The following ADAMTS20 variants were observed in gnomAD, a reference collection of about 807,000 sequenced individuals.
The protein encoded by ADAMTS20 is A disintegrin and metalloproteinase with thrombospondin motifs 20.
A neutral mutation model predicts 260.1 loss-of-function variants in ADAMTS20; 225 were observed. That is an observed-to-expected ratio of 0.87 (90% CI 0.78 to 0.97). The LOEUF (loss-of-function observed/expected upper bound fraction) is 0.97, where lower values mean the gene tolerates loss of function less well. Among genes scored for constraint, ADAMTS20 ranks in the 50% least tolerant of loss-of-function variants. ADAMTS20 has a pLI of 0.00. For missense variants in ADAMTS20, 2,400 were observed against 2,337.7 expected, an observed-to-expected ratio of 1.03 and a Z score of -0.55; for synonymous variants, 802 against 769.5, an observed-to-expected ratio of 1.04 and a Z score of -0.70.
chr12:43,542,778 A>G (rs1170901323), intron 2 of ADAMTS20, among the ~76,000 whole-genome samples: 2 of 152,260 alleles, frequency 1.3e-5, no homozygotes, highest in Non-Finnish European at 2.9e-5. Flanking sequence ...ACTAAGTTTT[A>G]GAGGGATTAT....
At chr12:43,451,403 C>G (rs918291934) in intron 14 of ADAMTS20, among the ~76,000 whole-genome samples, 2 of 152,054 alleles carry the variant, frequency 1.3e-5, no homozygotes, top group African/African-American at 4.8e-5. Flanking sequence ...ATCTTCTAAA[C>G]CCAGTATTTT....
Position 43,452,599 on chromosome 12 carries a change from C to T in ADAMTS20, c.1857G>A (p.Glu619=), listed in dbSNP as rs1941889201. ...TACCATTAAAATCAGAGCACTGCTTCTCTCGAAAGTCTTGTGTGCCTTTTG... is the reference window on the plus strand; with the variant it reads ...TACCATTAAAATCAGAGCACTGCTTTTCTCGAAAGTCTTGTGTGCCTTTTG... ...SCPKGTQDFR[E]KQCSDFNGKH... Residue 619 remains glutamate, a synonymous_variant, in exon 13 of 39, where the codon GAG becomes GAA. Transcript: ENST00000389420. 2 of 1,613,388 alleles carry T rather than the reference C, an allele frequency of 1.2e-6. No homozygotes were observed. Among genetic ancestry groups the T allele is most frequent in the Non-Finnish European group, 1.7e-6 (2 of 1,179,728 alleles).
At chr12:43,430,097 A>G (rs1246452110) in intron 23 of ADAMTS20, among the ~76,000 whole-genome samples, 2 of 152,082 alleles carry the variant, frequency 1.3e-5, no homozygotes, top group African/African-American at 2.4e-5. Context: ...AGTTCAAAGA[A>G]TGGAAATTCA....
intron 36 of ADAMTS20, among the ~76,000 whole-genome samples, chr12:43,369,735 T>C (rs1940066001): frequency 6.6e-6 from 1 of 152,136 alleles, no homozygotes; most frequent in Non-Finnish European, 1.5e-5. Context: ...AAAAAAGGGT[T>C]ATGTAAACAT....
intron 36 of ADAMTS20, among the ~76,000 whole-genome samples, chr12:43,369,957 A>C (rs752921644): frequency 1.8e-4 from 28 of 152,168 alleles, no homozygotes; most frequent in Non-Finnish European, 3.4e-4. Flanking sequence ...GTCTACATAA[A>C]GTATCAAAAA....
At chr12:43,523,701 T>C (rs1943102223) in intron 3 of ADAMTS20, among the ~76,000 whole-genome samples, 1 of 152,134 alleles carries the variant, frequency 6.6e-6, no homozygotes. Context: ...TTCTGTGCAG[T>C]AGAGGAAGCT....
At chr12:43,534,813 T>G (rs529945806) in intron 2 of ADAMTS20, among the ~76,000 whole-genome samples, 1 of 152,306 alleles carries the variant, frequency 6.6e-6, no homozygotes, top group African/African-American at 2.4e-5. Flanking sequence ...TGGTTACTAC[T>G]GAAAAAACTC....
intron 28 of ADAMTS20, among the ~76,000 whole-genome samples, chr12:43,417,202 C>T (rs1324403932): frequency 6.6e-6 from 1 of 152,122 alleles, no homozygotes; most frequent in African/African-American, 2.4e-5. Flanking sequence ...CCCTTCATAA[C>T]TACTTCTAAG....
intron 28 of ADAMTS20, among the ~76,000 whole-genome samples, chr12:43,401,126 A>G (rs1412365426): frequency 2.0e-5 from 3 of 152,018 alleles, no homozygotes; most frequent in Non-Finnish European, 2.9e-5. Context: ...GAATTTAAAA[A>G]TTCATGAAAT....
intron 11 of ADAMTS20, among the ~76,000 whole-genome samples, 163 bp from the exon 12 acceptor site, chr12:43,454,215 C>T (rs1051355911): frequency 5.3e-5 from 8 of 152,112 alleles, no homozygotes; most frequent in Non-Finnish European, 1.2e-4. Flanking sequence ...TGAATATTTC[C>T]TACCTACTAA....
chr12:43,388,371 A>C (rs1407840099), intron 29 of ADAMTS20, among the ~76,000 whole-genome samples: 1 of 152,054 alleles, frequency 6.6e-6, no homozygotes, highest in African/African-American at 2.4e-5. Flanking sequence ...CCACTGTCTA[A>C]CCAGTGAGAT....
Position 43,439,725 on chromosome 12 carries a change from G to A in ADAMTS20, c.2490C>T (p.Asn830=). Reference sequence around the variant, plus strand: ...TATTGAAGGAATAATGTACATCAGGGTTGTATAAATTACCCACACACAACA... The same window carrying A: ...TATTGAAGGAATAATGTACATCAGGATTGTATAAATTACCCACACACAACA... The part of the protein sequence containing the change: ...LQVLCVGNLY[N]PDVHYSFNIP... The change falls in exon 18 of 39, where the codon AAC becomes AAT. Residue 830 remains asparagine (N), a synonymous_variant. Transcript: ENST00000389420. 1.2e-6 allele frequency: 2 copies of A among 1,613,046 alleles called. No individual in the cohort carries two copies. The highest frequency in any genetic ancestry group is 1.7e-6 in the Non-Finnish European group (2 of 1,179,394).
Position 43,399,112 on chromosome 12 carries a change from C to A in ADAMTS20, c.4406G>T (p.Cys1469Phe). The change falls in exon 29 of 39, where the codon TGT (cysteine) becomes TTT (phenylalanine). Residue 1469 changes from cysteine to phenylalanine, a missense_variant. Cys to Phe is a radical substitution (Grantham distance 205). Transcript: ENST00000389420. ...QVQKPPTHKA[C>F]RSVRCPSWKA... ...CCATGAAGGGCATCTGACAGATCTA[C>A]AGGCTTTGTGAGTTGGAGGTTTCTG... 2 of 1,549,716 alleles carry A rather than the reference C, an allele frequency of 1.3e-6. No homozygotes were observed. Among genetic ancestry groups the A allele is most frequent in the South Asian group, 2.4e-5 (2 of 83,628 alleles).
chr12:43,445,077 A>AT (rs1025420205), intron 15 of ADAMTS20, among the ~76,000 whole-genome samples: 159 of 152,218 alleles, frequency 1.0e-3, no homozygotes, highest in African/African-American at 3.7e-3. Flanking sequence ...TATTTATTAT[A>AT]TTTTTTTCAA....
chr12:43,499,588 T>G (rs1348909676), intron 4 of ADAMTS20, among the ~76,000 whole-genome samples: 1 of 150,772 alleles, frequency 6.6e-6, no homozygotes, highest in Non-Finnish European at 1.5e-5. Context: ...AGTGGCAACC[T>G]CTGATTCCCA....
intron 7 of ADAMTS20, among the ~76,000 whole-genome samples, chr12:43,472,206 C>G (rs1231870596): frequency 1.4e-5 from 2 of 147,686 alleles, no homozygotes; most frequent in Admixed American, 6.7e-5. Context: ...CCTCAGGAGC[C>G]GATGCGATCA....
intron 28 of ADAMTS20, among the ~76,000 whole-genome samples, chr12:43,415,990 C>T (rs543208637): frequency 6.6e-6 from 1 of 152,264 alleles, no homozygotes; most frequent in East Asian, 1.9e-4. Flanking sequence ...CAAGTCCAAA[C>T]TTCCCTGATC....
At chr12:43,527,702 C>T (rs982685280) in intron 3 of ADAMTS20, among the ~76,000 whole-genome samples, 52 of 152,120 alleles carry the variant, frequency 3.4e-4, no homozygotes, top group African/African-American at 1.3e-3. Flanking sequence ...ATAATAAAAG[C>T]CATATTTAAC....
chr12:43,411,532 T>C (rs1294729343), intron 28 of ADAMTS20, among the ~76,000 whole-genome samples: 2 of 152,092 alleles, frequency 1.3e-5, no homozygotes, highest in Non-Finnish European at 2.9e-5. Flanking sequence ...CACGCCCAGA[T>C]AATTTTTGTA....
Sources: allele counts gnomAD v4.1 joint callset (sites outside exome capture counted in the v4.1 genomes callset), GRCh38; gene constraint gnomAD v4.1.1; transcripts MANE v1.5; gene names NCBI Gene and HGNC (gene_info 2026-07-23, HGNC 2026-07-21).